ZEB2: variants seen among roughly 807,000 people sequenced by gnomAD.
ZEB2 encodes zinc finger E-box binding homeobox 2.
A neutral mutation model predicts 99.9 loss-of-function variants in ZEB2; 6 were observed. That is an observed-to-expected ratio of 0.06 (90% CI 0.03 to 0.12). The LOEUF (loss-of-function observed/expected upper bound fraction) is 0.12. Ranked by LOEUF, ZEB2 falls within the 10% of genes least tolerant of loss-of-function variation. The pLI is 1.00. For synonymous variants in ZEB2, 517 were observed against 542.5 expected, an observed-to-expected ratio of 0.95 and a Z score of 0.65; for missense variants, 969 against 1,502.8, an observed-to-expected ratio of 0.64 and a Z score of 5.87.
intron 2 of ZEB2, chr2:144,461,533 T>C (rs1704194201): frequency 2.0e-5 from 3 of 152,234 alleles, no homozygotes; most frequent in African/African-American, 7.2e-5. Context: ...CCCTAGCTTC[T>C]ATACACCCAC....
intron 3 of ZEB2, chr2:144,429,438 C>T: frequency 3.1e-6 from 1 of 322,206 alleles, no homozygotes; most frequent in South Asian, 3.2e-5. Flanking sequence ...GCTTCCATTT[C>T]CTATCATGAA....
At chr2:144,424,450 C>T (rs1560618252) in intron 4 of ZEB2, 1 of 535,680 alleles carries the variant, frequency 1.9e-6, no homozygotes, top group African/African-American at 1.9e-5. Context: ...TGGTGGCTAG[C>T]AGAGGTATAT....
chr2:144,418,366 C>T (rs563082531), intron 4 of ZEB2, among the ~76,000 whole-genome samples: 15 of 152,230 alleles, frequency 9.9e-5, no homozygotes, highest in East Asian at 5.8e-4. Context: ...AAACCGTTTA[C>T]GATGTATTCA....
intron 4 of ZEB2, among the ~76,000 whole-genome samples, chr2:144,413,220 G>A (rs1202949145): frequency 6.6e-6 from 1 of 152,146 alleles, no homozygotes; most frequent in East Asian, 1.9e-4. Context: ...CAAACATGCA[G>A]ATTAAGAGAA....
At chr2:144,424,756 A>C in intron 4 of ZEB2, 40 bp downstream of exon 4, 1 of 1,612,098 alleles carries the variant, frequency 6.2e-7, no homozygotes, top group Non-Finnish European at 8.5e-7. Context: ...CCCACATGAC[A>C]CAGGACAAAT....
intron 1 of ZEB2, 74 bp from the exon 2 acceptor site, chr2:144,517,493 C>A (rs532328618): frequency 2.0e-6 from 2 of 1,010,972 alleles, no homozygotes; most frequent in African/African-American, 3.2e-5. Flanking sequence ...CCCAGGGGAG[C>A]CGGGCCAGGG....
chr2:144,389,444 T>A lies in ZEB2; in HGVS notation c.*7A>T, dbSNP rs1300620293. ...AAAAAATAGGAAGCTTAAAATGCAG[T>A]AGTTTATTACATGCCATCTTCCATA... On this transcript the variant is annotated 3_prime_UTR_variant, in exon 10 of 10. Transcript: ENST00000627532. This position sits in a 1 kb window ranked among gnomAD's most constrained non-coding sequence, Gnocchi z 6.8. The A allele has an allele frequency of 6.2e-7, 1 of 1,613,986 alleles. No homozygotes were observed. The highest frequency in any genetic ancestry group is 8.5e-7 in the Non-Finnish European group (1 of 1,179,920).
chr2:144,401,119 G>A (rs1703304411), intron 7 of ZEB2, 80 bp downstream of exon 7: 1 of 1,285,212 alleles, frequency 7.8e-7, no homozygotes, highest in Non-Finnish European at 1.1e-6. Context: ...AAATAGGACT[G>A]TGTAAATTTT....
Position 144,389,178 on chromosome 2 carries a change from A to G in ZEB2, c.*273T>C, listed in dbSNP as rs1262759157. The stretch of plus-strand genomic sequence containing the variant: ...TCTTACAATTTTCTAGTTGTGCTTA[A>G]AGTATAAATGCTATTAAACACAGGA... On this transcript the variant is annotated 3_prime_UTR_variant, in exon 10 of 10. Coordinates refer to ENST00000627532, the MANE Select transcript of ZEB2 (RefSeq NM_014795.4). The surrounding 1 kb of genome is among the most constrained non-coding windows in gnomAD (Gnocchi z 6.8). 1 of 584,812 alleles carries G rather than the reference A, an allele frequency of 1.7e-6. No individual in the cohort carries two copies. Among genetic ancestry groups the G allele is most frequent in the Admixed American group, 3.3e-5 (1 of 30,500 alleles). 36.2% of individuals were successfully genotyped at this position (584,812 alleles called of 1,614,324 possible). A position where few individuals can be genotyped will look rare whatever the true frequency, so the allele number is the denominator to read the frequency against.
At chr2:144,511,556 T>C (rs1408551481) in intron 2 of ZEB2, 2 of 1,279,508 alleles carry the variant, frequency 1.6e-6, no homozygotes, top group Non-Finnish European at 2.0e-6. Context: ...TAAAAACTGC[T>C]TGATGAAGAA....
At position 144,389,819 on chromosome 2, in the gene ZEB2, G is replaced by C. The variant is rs730881203; in HGVS notation, c.3277C>G (p.Arg1093Gly). The C allele has an allele frequency of 6.2e-7, 1 of 1,612,908 alleles. No individual in the cohort carries two copies. The highest frequency in any genetic ancestry group is 8.5e-7 in the Non-Finnish European group (1 of 1,179,214). The change falls in exon 10 of 10, where the codon CGC (arginine) becomes GGC (glycine). Residue 1093 changes from arginine (R) to glycine (G), a missense_variant. Transcript: ENST00000627532. This position sits in a 1 kb window ranked among gnomAD's most constrained non-coding sequence, Gnocchi z 6.8. ...REAEEREAAE[R>G]EAREKGHLEP... ...AAGTGCCCTTTCTCGCGCGCCTCGC[G>C]CTCCGCCGCTTCCCGCTCCTCCGCC...
In ZEB2 at chr2:144,498,525, C is replaced by A. The variant is rs201908766; in HGVS notation, c.73+18753G>T. The stretch of plus-strand genomic sequence containing the variant: ...ACTGACTGCTGGAATATGAAATCGT[C>A]ATCATCACAGTTAGTGGGAGGCAAG... On this transcript the variant is annotated intron_variant, in intron 2 of 9. Transcript: ENST00000627532. Among the ~76,000 whole-genome samples, 3 of 152,230 alleles carry A rather than the reference C, an allele frequency of 2.0e-5. No individual in the cohort carries two copies. The East Asian group carries it at 5.8e-4, about 29-fold the overall frequency.
intron 2 of ZEB2, among the ~76,000 whole-genome samples, chr2:144,432,061 G>A (rs540165002): frequency 6.0e-5 from 9 of 150,350 alleles, no homozygotes; most frequent in South Asian, 4.2e-4. Flanking sequence ...ACAATATCCC[G>A]TGTGACACGT....
chr2:144,472,172 G>A (rs1704366166), intron 2 of ZEB2, among the ~76,000 whole-genome samples: 1 of 151,548 alleles, frequency 6.6e-6, no homozygotes, highest in South Asian at 2.1e-4. Flanking sequence ...TTAACCCAAA[G>A]AAGCATTTGG....
At chr2:144,429,519 T>G in intron 3 of ZEB2, 1 of 547,454 alleles carries the variant, frequency 1.8e-6, no homozygotes, top group South Asian at 2.0e-5. Flanking sequence ...TGTTATGTGT[T>G]GAAAGTGTGG....
chr2:144,503,391 G>A (rs1453446044), intron 2 of ZEB2, among the ~76,000 whole-genome samples: 1 of 152,166 alleles, frequency 6.6e-6, no homozygotes, highest in Admixed American at 6.5e-5. Context: ...TTTGTTCACA[G>A]CTTAACAAAA....
chr2:144,423,775 C>T (rs1446286509), intron 4 of ZEB2, among the ~76,000 whole-genome samples: 1 of 152,112 alleles, frequency 6.6e-6, no homozygotes, highest in Non-Finnish European at 1.5e-5. Flanking sequence ...TATTAATAAG[C>T]ACATTTTAAA....
chr2:144,433,149 T>G (rs1490526817), intron 2 of ZEB2, among the ~76,000 whole-genome samples: 2 of 152,096 alleles, frequency 1.3e-5, no homozygotes, highest in African/African-American at 4.8e-5. Context: ...TGCAATTCAA[T>G]AAACAAGAGG....
intron 2 of ZEB2, among the ~76,000 whole-genome samples, chr2:144,460,437 A>G (rs970555456): frequency 1.3e-5 from 2 of 152,086 alleles, no homozygotes; most frequent in Non-Finnish European, 2.9e-5. Flanking sequence ...CAGCCTTATA[A>G]GCATGGGAAA....
Sources: gnomAD v4.1 joint callset for allele counts (sites outside exome capture counted in the v4.1 genomes callset) on GRCh38, gnomAD v4.1.1 for gene constraint, Gnocchi (gnomAD v3.1) non-coding constraint, MANE v1.5 for transcripts, NCBI Gene and HGNC (gene_info 2026-07-23, HGNC 2026-07-21) for gene names.